The following MYO9A variants were observed in gnomAD, a reference collection of about 807,000 sequenced individuals.
The protein encoded by MYO9A is unconventional myosin-IXa.
A neutral mutation model predicts 293.3 loss-of-function variants in MYO9A; 103 were observed. The observed-to-expected ratio is 0.35, with a 90% confidence interval of 0.30 to 0.41. The LOEUF is 0.41. Ranked by LOEUF, MYO9A falls within the 10% of genes least tolerant of loss-of-function variation. MYO9A has a pLI of 1.00. For synonymous variants in MYO9A, 1,001 were observed against 1,035.7 expected, an observed-to-expected ratio of 0.97 and a Z score of 0.64; for missense variants, 2,685 against 3,033.0, an observed-to-expected ratio of 0.89 and a Z score of 2.69.
At position 71,893,683 on chromosome 15, in the gene MYO9A, CT is replaced by C; in HGVS notation, c.5137del (p.Arg1713GlufsTer30). ...KPVKLAGPGQ[R>X]ETSQRFSSVD... Reference sequence around the variant, plus strand: ...AAACAAAAACTCAAAACTTACCTCTCTTTGGCCTGGCCCAGCTAACTTCACA... The same window carrying C: ...AAACAAAAACTCAAAACTTACCTCTCTTGGCCTGGCCCAGCTAACTTCACA... On this transcript the variant is annotated frameshift_variant, in exon 26 of 42. Transcript: ENST00000356056. LOFTEE classifies it high-confidence loss of function. 1 of 1,612,988 alleles carries C rather than the reference CT, an allele frequency of 6.2e-7. No individual in the cohort carries two copies. Among genetic ancestry groups the C allele is most frequent in the Non-Finnish European group, 8.5e-7 (1 of 1,179,100 alleles).
At chr15:72,024,711 T>C (rs2077610054) in intron 4 of MYO9A, among the ~76,000 whole-genome samples, 1 of 152,202 alleles carries the variant, frequency 6.6e-6, no homozygotes, top group African/African-American at 2.4e-5. Context: ...AAGAAAGGAA[T>C]AGAACTACAT....
intron 1 of MYO9A, among the ~76,000 whole-genome samples, chr15:72,115,731 A>G (rs991994193): frequency 2.0e-5 from 3 of 152,226 alleles, no homozygotes; most frequent in African/African-American, 7.2e-5. Context: ...CATCACAGCT[A>G]GTCACACTGT....
At chr15:72,069,029 A>G (rs1216184653) in intron 1 of MYO9A, among the ~76,000 whole-genome samples, 1 of 152,222 alleles carries the variant, frequency 6.6e-6, no homozygotes, top group Non-Finnish European at 1.5e-5. Context: ...GGATGTGCAC[A>G]TCAGCAGTCC....
At chr15:71,988,602 T>A (rs1394315699) in intron 11 of MYO9A, among the ~76,000 whole-genome samples, 1 of 152,226 alleles carries the variant, frequency 6.6e-6, no homozygotes, top group Non-Finnish European at 1.5e-5. Context: ...ATAGAGGCAC[T>A]TTTTTAAAAA....
chr15:71,899,318 CAAATT>C (rs1176961791), intron 24 of MYO9A, among the ~76,000 whole-genome samples: 1 of 151,908 alleles, frequency 6.6e-6, no homozygotes, highest in Non-Finnish European at 1.5e-5. Flanking sequence ...AAGTAAACCT[CAAATT>C]AAAGTGAAAT....
At chr15:71,877,913 A>G (rs2056743380) in intron 31 of MYO9A, 127 bp downstream of exon 31, 2 of 724,276 alleles carry the variant, frequency 2.8e-6, no homozygotes, top group Non-Finnish European at 4.4e-6. Flanking sequence ...CTAAGTTGAC[A>G]TGTTCCCTGT....
At chr15:72,105,930 T>C (rs994844191) in intron 1 of MYO9A, among the ~76,000 whole-genome samples, 18 of 152,258 alleles carry the variant, frequency 1.2e-4, no homozygotes, top group Middle Eastern at 3.4e-3. Context: ...ATCCGTATAA[T>C]AGAATATTGT....
At chr15:71,959,774 T>G in intron 14 of MYO9A, 127 bp downstream of exon 14, 1 of 808,042 alleles carries the variant, frequency 1.2e-6, no homozygotes, top group Non-Finnish European at 1.9e-6. Context: ...CTAGATTGAC[T>G]ACAGAAGCAG....
intron 18 of MYO9A, among the ~76,000 whole-genome samples, chr15:71,926,823 C>G (rs2058325440): frequency 6.6e-6 from 1 of 152,314 alleles, no homozygotes; most frequent in East Asian, 1.9e-4. Context: ...CCCTCAGACC[C>G]TGCAGGGTAC....
intron 1 of MYO9A, among the ~76,000 whole-genome samples, chr15:72,087,810 A>G (rs538819002): frequency 1.3e-5 from 2 of 152,068 alleles, no homozygotes; most frequent in East Asian, 1.9e-4. Context: ...GAGAAAATTT[A>G]CCTTCTATTC....
rs1370637995 is a variant in MYO9A, at chr15:71,859,931, T to C, written c.6092-135A>G. ...CTGCTGTAATATGACATACATACTT[T>C]GTACAATGGTGTAATTAAAAAGAAT... On this transcript the variant is annotated intron_variant, in intron 33 of 41. Coordinates refer to ENST00000356056, the MANE Select transcript of MYO9A (RefSeq NM_006901.4). 4.3e-5 allele frequency: 27 copies of C among 623,694 alleles called. No individual in the cohort carries two copies. The East Asian group carries it at 7.7e-4, about 18-fold the overall frequency. 38.6% of individuals were successfully genotyped at this position (623,694 alleles called of 1,614,324 possible).
chr15:72,106,035 G>A (rs1490856405), intron 1 of MYO9A, among the ~76,000 whole-genome samples: 1 of 152,102 alleles, frequency 6.6e-6, no homozygotes, highest in Non-Finnish European at 1.5e-5. Context: ...GTACAGAACA[G>A]AATACATGGT....
chr15:71,947,462 C>T (rs2058945203), intron 15 of MYO9A, among the ~76,000 whole-genome samples: 1 of 151,816 alleles, frequency 6.6e-6, no homozygotes, highest in South Asian at 2.1e-4. Context: ...ATTTATATTC[C>T]CTAAGTTGTA....
At chr15:72,073,901 A>G (rs907248579) in intron 1 of MYO9A, among the ~76,000 whole-genome samples, 3 of 152,176 alleles carry the variant, frequency 2.0e-5, no homozygotes, top group Admixed American at 1.3e-4. Context: ...AATATTATTC[A>G]TTGGGATTTA....
intron 12 of MYO9A, among the ~76,000 whole-genome samples, chr15:71,977,220 T>C (rs1293029250): frequency 3.3e-5 from 5 of 152,212 alleles, no homozygotes; most frequent in Non-Finnish European, 5.9e-5. Context: ...TAATTTACCA[T>C]AACATTCTTT....
chr15:71,987,114 G>A (rs569186781), intron 11 of MYO9A, among the ~76,000 whole-genome samples: 2 of 152,256 alleles, frequency 1.3e-5, no homozygotes, highest in East Asian at 3.9e-4. Context: ...GTAGCATGCT[G>A]TACAGGTTTG....
In MYO9A at chr15:71,823,822, C is replaced by T. The variant is rs2054362090; in HGVS notation, c.*2758G>A. 2 of 152,176 alleles carry T rather than the reference C, an allele frequency of 1.3e-5. No homozygotes were observed. Among genetic ancestry groups the T allele is most frequent in the Admixed American group, 1.3e-4 (2 of 15,284 alleles). The allele number at this position is 152,176 out of a possible 1,614,324, so 9.4% of individuals were successfully genotyped here. On this transcript the variant is annotated 3_prime_UTR_variant, in exon 42 of 42. Transcript: ENST00000356056. ...AAATGTGGAGCTGCCCCACTGCTGC[C>T]ATGCAGAGATCAAACAAGCAAAGGA... is the stretch of plus-strand genomic sequence containing the variant.
Position 71,991,213 on chromosome 15 carries a change from T to C in MYO9A, c.1612A>G (p.Ile538Val), listed in dbSNP as rs1240038845. Residue 538 changes from isoleucine to valine, a missense_variant, in exon 11 of 42, where the codon ATT (isoleucine) becomes GTT (valine). By Grantham distance (29) the Ile-to-Val change is conservative. Coordinates refer to ENST00000356056, the MANE Select transcript of MYO9A (RefSeq NM_006901.4). The stretch of plus-strand genomic sequence containing the variant: ...TTTTCATAATCTTCAAACCCAAAAA[T>C]ATCAAGAACACCAATAGACAATGTC... ...TKTLSIGVLD[I>V]FGFEDYENNS... The C allele has an allele frequency of 6.2e-7, 1 of 1,604,136 alleles. No homozygotes were observed. The highest frequency in any genetic ancestry group is 2.2e-5 in the East Asian group (1 of 44,648).
intron 1 of MYO9A, among the ~76,000 whole-genome samples, chr15:72,064,633 G>C (rs1052403452): frequency 6.6e-6 from 1 of 152,134 alleles, no homozygotes; most frequent in Admixed American, 6.5e-5. Context: ...TTTATTGTAT[G>C]TTGTTTCTCA....
Sources: allele counts gnomAD v4.1 joint callset (sites outside exome capture counted in the v4.1 genomes callset), GRCh38; gene constraint gnomAD v4.1.1; transcripts MANE v1.5; gene names NCBI Gene and HGNC (gene_info 2026-07-23, HGNC 2026-07-21).